The following RASA3 variants were observed in gnomAD, a reference collection of about 807,000 sequenced individuals.
RASA3 encodes RAS p21 protein activator 3, also known as ras GTPase-activating protein 3.
RASA3 carries 73 observed loss-of-function variants against 110.0 expected under a neutral mutation model. The observed-to-expected ratio is 0.66, with a 90% CI of 0.55 to 0.81. The LOEUF (loss-of-function observed/expected upper bound fraction) is 0.81, where lower values mean the gene tolerates loss of function less well. Ranked by LOEUF, RASA3 falls within the 30% of genes least tolerant of loss-of-function variation. RASA3 has a pLI of 0.00. For synonymous variants in RASA3, 500 were observed against 451.4 expected (o/e 1.11, Z -1.37); for missense variants, 976 against 1,113.2 (o/e 0.88, Z 1.75).
Position 114,115,442 on chromosome 13 carries a change from G to A in RASA3, c.55+16993C>T, listed in dbSNP as rs1396938402. On this transcript the variant is annotated intron_variant, in intron 1 of 23. Transcript: ENST00000334062. This position sits in a 1 kb window ranked among gnomAD's most constrained non-coding sequence, Gnocchi z 5.0. ...GCACGCGGGGGAGGTGCCTGCCTGCGTGAAGACTGGTCACAAGACAACTTC... is the reference window on the plus strand; with the variant it reads ...GCACGCGGGGGAGGTGCCTGCCTGCATGAAGACTGGTCACAAGACAACTTC... Among the ~76,000 whole-genome samples the A allele has an allele frequency of 6.6e-5, 10 of 152,346 alleles. No homozygotes were observed. Among genetic ancestry groups the A allele is most frequent in the East Asian group, 5.8e-4 (3 of 5,186 alleles).
chr13:114,045,066 G>A lies in RASA3; in HGVS notation c.278-3972C>T, dbSNP rs535939060. 3.3e-5 allele frequency among the ~76,000 whole-genome samples: 5 copies of A among 152,298 alleles called. No individual in the cohort carries two copies. In the East Asian group the frequency reaches 9.6e-4, roughly 29 times the overall value. Reference sequence around the variant, plus strand: ...CCTGCCACCTCATTCCCGACGTGGGGTCACTTCTGTCACCAGCCCCCAACC... The same window carrying A: ...CCTGCCACCTCATTCCCGACGTGGGATCACTTCTGTCACCAGCCCCCAACC... On this transcript the variant is annotated intron_variant, in intron 3 of 23. Coordinates refer to ENST00000334062, the MANE Select transcript of RASA3 (RefSeq NM_007368.4).
At chr13:114,126,987 G>A (rs959929524) in intron 1 of RASA3, among the ~76,000 whole-genome samples, 10 of 152,206 alleles carry the variant, frequency 6.6e-5, no homozygotes, top group East Asian at 1.9e-4. Context: ...TCCCACCATC[G>A]CTCAGCAGCC....
intron 3 of RASA3, among the ~76,000 whole-genome samples, chr13:114,049,204 C>T (rs2079103440): frequency 6.6e-6 from 1 of 152,120 alleles, no homozygotes; most frequent in African/African-American, 2.4e-5. Flanking sequence ...AGGAGAACCA[C>T]GCAGCCAGGA....
At chr13:114,128,378 C>T (rs2080477340) in intron 1 of RASA3, among the ~76,000 whole-genome samples, 1 of 152,276 alleles carries the variant, frequency 6.6e-6, no homozygotes, top group South Asian at 2.1e-4. Context: ...TGACCAGCGG[C>T]CTCCACCTCC....
chr13:114,039,945 C>G (rs1412762773), intron 4 of RASA3, among the ~76,000 whole-genome samples: 2 of 152,228 alleles, frequency 1.3e-5, no homozygotes, highest in African/African-American at 4.8e-5. Flanking sequence ...AACGCTCTTT[C>G]AGCTCAGACC....
chr13:113,990,500 C>T (rs1486714465), intron 22 of RASA3, among the ~76,000 whole-genome samples: 2 of 152,200 alleles, frequency 1.3e-5, no homozygotes, highest in Non-Finnish European at 2.9e-5. Context: ...TCCGAGGCTC[C>T]CTGACTCTGG....
chr13:114,037,309 G>A (rs923956589), intron 4 of RASA3, among the ~76,000 whole-genome samples: 3 of 152,180 alleles, frequency 2.0e-5, no homozygotes, highest in South Asian at 2.1e-4. Context: ...AACAGCACAC[G>A]CTTCGCACCT....
chr13:114,030,440 ACACAGAGGGCAAGGC>A (rs1566501583), intron 4 of RASA3, among the ~76,000 whole-genome samples: 2 of 113,202 alleles, frequency 1.8e-5, no homozygotes, highest in African/African-American at 6.1e-5. Context: ...GGCAAGGCTC[ACACAGAGGGCAAGGC>A]TCACACAGAG....
intron 17 of RASA3, among the ~76,000 whole-genome samples, chr13:114,009,080 C>T (rs1188629403): frequency 2.0e-5 from 3 of 152,358 alleles, no homozygotes; most frequent in Middle Eastern, 3.4e-3. Context: ...AGAGTGAGTC[C>T]GGCCACCACA....
In RASA3 at chr13:114,015,653, G is replaced by GA. The variant is rs561156071; in HGVS notation, c.1282-322dup. 1.1e-3 allele frequency among the ~76,000 whole-genome samples: 173 copies of GA among 152,370 alleles called. 1 individual carries two copies. The highest frequency in any genetic ancestry group is 4.0e-3 in the African/African-American group (166 of 41,582). ...TCTGTCATTTACATACAGAAATGAC[G>GA]AAACAGCACGCTCTGCAAGAAGTAT... On this transcript the variant is annotated intron_variant, in intron 13 of 23. Coordinates refer to ENST00000334062, the MANE Select transcript of RASA3 (RefSeq NM_007368.4).
chr13:114,073,281 C>T (rs1345789612), intron 2 of RASA3, among the ~76,000 whole-genome samples: 7 of 132,208 alleles, frequency 5.3e-5, no homozygotes, highest in Admixed American at 8.0e-5. Context: ...TGTACACGCT[C>T]GGGACATTGT....
At chr13:114,017,936 AAAAG>A (rs1456938567) in intron 11 of RASA3, among the ~76,000 whole-genome samples, 164 bp downstream of exon 11, 9 of 152,180 alleles carry the variant, frequency 5.9e-5, no homozygotes, top group African/African-American at 2.2e-4. Flanking sequence ...AAAAAAAAAA[AAAAG>A]AATCATTAAC....
At chr13:114,098,269 C>G (rs1384222206) in intron 1 of RASA3, among the ~76,000 whole-genome samples, 1 of 152,162 alleles carries the variant, frequency 6.6e-6, no homozygotes, top group African/African-American at 2.4e-5. Context: ...GAGGCCATGC[C>G]CTCTACCCTG....
chr13:114,059,103 G>A (rs1055551492), intron 2 of RASA3, among the ~76,000 whole-genome samples: 12 of 152,198 alleles, frequency 7.9e-5, no homozygotes, highest in Non-Finnish European at 1.6e-4. Flanking sequence ...GCTTGAGCCC[G>A]GGGTTCCAGG....
Position 114,071,669 on chromosome 13 carries a change from C to T in RASA3, c.173+2051G>A, listed in dbSNP as rs148682252. On this transcript the variant is annotated intron_variant, in intron 2 of 23. Coordinates refer to ENST00000334062, the MANE Select transcript of RASA3 (RefSeq NM_007368.4). Reference sequence around the variant, plus strand: ...CCCCTCAGCCTGCAGTTCTTTTTGACGAGTTATTTCAAAGAACCCGGAGCG... The same window carrying T: ...CCCCTCAGCCTGCAGTTCTTTTTGATGAGTTATTTCAAAGAACCCGGAGCG... 3.1e-4 allele frequency among the ~76,000 whole-genome samples: 47 copies of T among 152,250 alleles called. No homozygotes were observed. The East Asian group carries it at 8.3e-3, about 27-fold the overall frequency.
At chr13:114,019,213 T>G (rs1292202974) in intron 9 of RASA3, among the ~76,000 whole-genome samples, 1 of 152,042 alleles carries the variant, frequency 6.6e-6, no homozygotes, top group Non-Finnish European at 1.5e-5. Flanking sequence ...GGCACAGAAG[T>G]GGTCAGTGAC....
chr13:114,041,912 C>T (rs1037370314), intron 3 of RASA3, among the ~76,000 whole-genome samples: 49 of 152,194 alleles, frequency 3.2e-4, no homozygotes, highest in Admixed American at 2.7e-3. Context: ...CTGGTGTGGG[C>T]TGGAATCTGC....
rs1438301908 is a variant in RASA3 at position 113,978,026 on chromosome 13, G to A, written c.*1321C>T. 3 of 152,144 alleles carry A rather than the reference G, an allele frequency of 2.0e-5. No individual in the cohort carries two copies. The highest frequency in any genetic ancestry group is 4.8e-5 in the African/African-American group (2 of 41,432). 9.4% of individuals were successfully genotyped at this position (152,144 alleles called of 1,614,324 possible). A position where few individuals can be genotyped will look rare whatever the true frequency, so the allele number is the denominator to read the frequency against. On this transcript the variant is annotated 3_prime_UTR_variant, in exon 24 of 24. Transcript: ENST00000334062. ...ACTACAGTATTTTCAAACAAGAACC[G>A]GGAGAAGTCGGTACAAGGATACGTC...
At chr13:114,010,950 CAG>C (rs2053625608) in intron 16 of RASA3, among the ~76,000 whole-genome samples, 1 of 150,844 alleles carries the variant, frequency 6.6e-6, no homozygotes, top group Non-Finnish European at 1.5e-5. Context: ...CGACGAGCCA[CAG>C]GCTCCCGAAA....
Sources: allele counts gnomAD v4.1 joint callset (sites outside exome capture counted in the v4.1 genomes callset), GRCh38; gene constraint gnomAD v4.1.1; non-coding constraint Gnocchi (gnomAD v3.1); transcripts MANE v1.5; gene names NCBI Gene and HGNC (gene_info 2026-07-23, HGNC 2026-07-21).